Variants in MAGI2 observed in about 807,000 individuals in gnomAD.
MAGI2 encodes the protein membrane-associated guanylate kinase, WW and PDZ domain-containing protein 2.
Under a neutral mutation model 133.3 loss-of-function variants are expected in MAGI2, and 35 were observed. That is an observed-to-expected ratio of 0.26 (90% confidence interval 0.20 to 0.35). The LOEUF is 0.35. Ranked by LOEUF, MAGI2 falls within the 10% of genes least tolerant of loss-of-function variation. The pLI, the probability that MAGI2 is intolerant of heterozygous loss-of-function variation, is 1.00. For synonymous variants in MAGI2, 729 were observed against 710.6 expected (o/e 1.03, Z -0.41); for missense variants, 1,636 against 1,863.4 (o/e 0.88, Z 2.25).
chr7:78,293,842 A>G (rs529110002), intron 9 of MAGI2, among the ~76,000 whole-genome samples: 5 of 152,326 alleles, frequency 3.3e-5, no homozygotes, highest in South Asian at 4.1e-4. Flanking sequence ...AGGACAGAAA[A>G]TCAAACACTG....
At chr7:78,216,495 C>T (rs1247621921) in intron 10 of MAGI2, among the ~76,000 whole-genome samples, 3 of 152,214 alleles carry the variant, frequency 2.0e-5, no homozygotes, top group Non-Finnish European at 2.9e-5. Flanking sequence ...GTTCCCCATC[C>T]GTTTTTCTAG....
chr7:78,483,535 C>T (rs568074478), intron 6 of MAGI2, among the ~76,000 whole-genome samples: 114 of 151,620 alleles, frequency 7.5e-4, no homozygotes, highest in Middle Eastern at 3.4e-3. Flanking sequence ...ATTCTGGGAC[C>T]AACGAGAACA....
At chr7:79,300,736 G>A (rs1837332041) in intron 1 of MAGI2, among the ~76,000 whole-genome samples, 1 of 152,224 alleles carries the variant, frequency 6.6e-6, no homozygotes, top group African/African-American at 2.4e-5. Flanking sequence ...TGATAGCCAA[G>A]GCAATGGGAA....
intron 1 of MAGI2, among the ~76,000 whole-genome samples, chr7:79,353,127 A>G (rs1186788350): frequency 6.6e-6 from 1 of 152,118 alleles, no homozygotes; most frequent in Non-Finnish European, 1.5e-5. Context: ...AGTTTGGGCT[A>G]TGACTTGCAA....
chr7:79,137,797 A>C (rs1261721256), intron 1 of MAGI2, among the ~76,000 whole-genome samples: 1 of 152,034 alleles, frequency 6.6e-6, no homozygotes, highest in African/African-American at 2.4e-5. Flanking sequence ...GGTAGACAGA[A>C]TAGTACCCCC....
At chr7:78,381,507 T>A (rs62461543) in intron 6 of MAGI2, among the ~76,000 whole-genome samples, 58,106 of 151,826 alleles carry the variant, frequency 0.38, 11,576 homozygotes, top group Middle Eastern at 0.5. Context: ...ATACCATAAC[T>A]AATACTAAAA....
Position 78,473,808 on chromosome 7 carries a change from T to C in MAGI2, c.1045+15953A>G, listed in dbSNP as rs540280196. Among the ~76,000 whole-genome samples the C allele has an allele frequency of 2.0e-5, 3 of 152,062 alleles. No individual in the cohort carries two copies. The South Asian group carries it at 6.2e-4, about 32-fold the overall frequency. ...TCCTCATTCCAAATAAACTCACTCA[T>C]AGAAAGCTCTAAGTCAGACACAGAC... On this transcript the variant is annotated intron_variant, in intron 6 of 21. Coordinates refer to ENST00000354212, the MANE Select transcript of MAGI2 (RefSeq NM_012301.4).
At chr7:78,775,648 G>A (rs572129950) in intron 2 of MAGI2, among the ~76,000 whole-genome samples, 8 of 152,166 alleles carry the variant, frequency 5.3e-5, no homozygotes, top group Admixed American at 2.6e-4. Context: ...AAGGCATATA[G>A]CTATTACAAC....
At chr7:78,253,928 G>A (rs971905328) in intron 10 of MAGI2, 1 of 152,126 alleles carries the variant, frequency 6.6e-6, no homozygotes, top group Non-Finnish European at 1.5e-5. Context: ...CACCACATAA[G>A]CATGGTGCTA....
At chr7:78,768,982 A>G (rs1379071006) in intron 2 of MAGI2, among the ~76,000 whole-genome samples, 1 of 152,144 alleles carries the variant, frequency 6.6e-6, no homozygotes, top group East Asian at 1.9e-4. Context: ...CTCTCTGCTA[A>G]AGCGCATCCT....
At chr7:78,611,118 G>A (rs1806392525) in intron 3 of MAGI2, among the ~76,000 whole-genome samples, 1 of 152,166 alleles carries the variant, frequency 6.6e-6, no homozygotes, top group African/African-American at 2.4e-5. Flanking sequence ...GTCTGGTGTT[G>A]TTTTGGGTGT....
At chr7:78,163,306 T>C (rs1392195761) in intron 15 of MAGI2, among the ~76,000 whole-genome samples, 3 of 151,992 alleles carry the variant, frequency 2.0e-5, no homozygotes, top group Non-Finnish European at 2.9e-5. Context: ...CCCGGCTAAT[T>C]TGTTTTGTAC....
At chr7:78,130,305 A>G (rs1412806517) in intron 18 of MAGI2, among the ~76,000 whole-genome samples, 2 of 152,194 alleles carry the variant, frequency 1.3e-5, no homozygotes, top group African/African-American at 4.8e-5. Context: ...GCAGGAAAAA[A>G]TATCACTCAT....
Position 78,305,344 on chromosome 7 carries a change from T to C in MAGI2, c.1408+38434A>G, listed in dbSNP as rs192097254. On this transcript the variant is annotated intron_variant, in intron 9 of 21. Coordinates refer to ENST00000354212, the MANE Select transcript of MAGI2 (RefSeq NM_012301.4). Reference sequence around the variant, plus strand: ...CCCCCTTTGTATGGAGATAACTCTGTACTGTCGTTGCTGCTCAACCAAAAG... The same window carrying C: ...CCCCCTTTGTATGGAGATAACTCTGCACTGTCGTTGCTGCTCAACCAAAAG... Among the ~76,000 whole-genome samples, 262 of 152,314 alleles carry C rather than the reference T, an allele frequency of 1.7e-3. 1 individual carries two copies. The highest frequency in any genetic ancestry group is 3.5e-3 in the Admixed American group (53 of 15,294).
Position 79,021,448 on chromosome 7 carries a change from G to A in MAGI2, c.302-14242C>T, listed in dbSNP as rs149857236. Among the ~76,000 whole-genome samples, 365 of 152,338 alleles carry A rather than the reference G, an allele frequency of 2.4e-3. 3 individuals carry two copies. The highest frequency in any genetic ancestry group is 8.4e-3 in the African/African-American group (351 of 41,580). ...GGTGGAGCTGCCAAAGGCCATGTGA[G>A]CCCACTTCTTGCATCAGTGTGACCT... On this transcript the variant is annotated intron_variant, in intron 1 of 21. Transcript: ENST00000354212.
At chr7:78,574,366 C>T (rs941660114) in intron 3 of MAGI2, among the ~76,000 whole-genome samples, 1 of 152,232 alleles carries the variant, frequency 6.6e-6, no homozygotes, top group African/African-American at 2.4e-5. Context: ...GTGTTGGCCT[C>T]TCCAGTCTTC....
intron 2 of MAGI2, among the ~76,000 whole-genome samples, chr7:78,707,478 A>G (rs1389276820): frequency 6.6e-6 from 1 of 152,118 alleles, no homozygotes; most frequent in African/African-American, 2.4e-5. Flanking sequence ...TTGAAACTTC[A>G]CACTTAACAC....
At chr7:78,761,674 T>A (rs143997609) in intron 2 of MAGI2, among the ~76,000 whole-genome samples, 11 of 152,198 alleles carry the variant, frequency 7.2e-5, no homozygotes, top group African/African-American at 2.6e-4. Context: ...GCCATGCTGG[T>A]CTCGAACTCC....
chr7:78,190,522 T>A (rs183443691), intron 12 of MAGI2, among the ~76,000 whole-genome samples: 384 of 152,242 alleles, frequency 2.5e-3, no homozygotes, highest in Non-Finnish European at 5.0e-3. Context: ...CTATTGATAA[T>A]CACGCCAGGA....
Sources: allele counts gnomAD v4.1 joint callset (sites outside exome capture counted in the v4.1 genomes callset), GRCh38; gene constraint gnomAD v4.1.1; transcripts MANE v1.5; gene names NCBI Gene and HGNC (gene_info 2026-07-23, HGNC 2026-07-21).